Variants in HUWE1 observed in about 807,000 individuals in gnomAD.
The protein encoded by HUWE1 is HECT, UBA and WWE domain containing E3 ubiquitin protein ligase 1.
A neutral mutation model predicts 299.4 loss-of-function variants in HUWE1; 18 were observed. The ratio of observed to expected loss-of-function variants is 0.06; its 90% CI spans 0.04 to 0.09. The LOEUF (loss-of-function observed/expected upper bound fraction) is 0.09. HUWE1 is among the 10% of genes least tolerant of loss of function. HUWE1 has a pLI of 1.00. For missense variants in HUWE1, 1,832 were observed against 3,462.3 expected (o/e 0.53, Z 11.82); for synonymous variants, 1,317 against 1,286.1 (o/e 1.02, Z -0.51).
Position 53,534,711 on chromosome X carries a change from C to G in HUWE1, c.12650-14G>C, listed in dbSNP as rs2060923280. ...TGCGGATGGCTCCTGGTGAGATAAC[C>G]AAAAAGCCAAATGACTTCTAAACTC... is the stretch of plus-strand genomic sequence containing the variant. On this transcript the variant is annotated splice_polypyrimidine_tract_variant and intron_variant, in intron 81 of 83. Transcript: ENST00000262854. The G allele has an allele frequency of 2.5e-6, 3 of 1,203,513 alleles. No individual in the cohort carries two copies. The highest frequency in any genetic ancestry group is 1.8e-5 in the South Asian group (1 of 56,332).
intron 43 of HUWE1, among the ~76,000 whole-genome samples, chrX:53,579,314 G>A (rs1183409597): frequency 1.0e-5 from 1 of 97,325 alleles, no homozygotes; most frequent in African/African-American, 3.8e-5. Context: ...GCCCCGTCCG[G>A]GAGGGTGGTG....
intron 46 of HUWE1, 47 bp downstream of exon 46, chrX:53,575,108 T>C (rs782644019): frequency 2.0e-6 from 2 of 1,022,157 alleles, no homozygotes; most frequent in Non-Finnish European, 2.7e-6. Flanking sequence ...TTTCAAGTTG[T>C]TTTCCTAAGG....
intron 29 of HUWE1, among the ~76,000 whole-genome samples, chrX:53,598,627 A>C (rs1556987161): frequency 8.9e-6 from 1 of 112,112 alleles, no homozygotes; most frequent in Admixed American, 9.5e-5. Context: ...GATATAATAC[A>C]TATACAAAAC....
At chrX:53,565,455 T>C (rs2062480615) in intron 49 of HUWE1, among the ~76,000 whole-genome samples, 1 of 111,565 alleles carries the variant, frequency 9.0e-6, no homozygotes, top group Non-Finnish European at 1.9e-5. Flanking sequence ...AATGCCATAT[T>C]TCATGGGGCC....
chrX:53,640,390 C>T (rs1434675564), intron 7 of HUWE1, among the ~76,000 whole-genome samples: 1 of 111,182 alleles, frequency 9.0e-6, no homozygotes, highest in African/African-American at 3.3e-5. Context: ...TAAAAGAAGC[C>T]CACATGAACA....
At chrX:53,579,428 C>A (rs1286052001) in intron 43 of HUWE1, among the ~76,000 whole-genome samples, 4 of 111,935 alleles carry the variant, frequency 3.6e-5, no homozygotes, top group Non-Finnish European at 7.6e-5. Flanking sequence ...TGCCCGGCCA[C>A]GACCCCGTCT....
At chrX:53,667,654 G>T (rs2069313686) in intron 3 of HUWE1, among the ~76,000 whole-genome samples, 2 of 112,073 alleles carry the variant, frequency 1.8e-5, no homozygotes, top group East Asian at 5.6e-4. Context: ...CCATCATTAA[G>T]TCGGGGACGC....
chrX:53,659,415 A>G (rs782330205), intron 3 of HUWE1, among the ~76,000 whole-genome samples: 2 of 111,875 alleles, frequency 1.8e-5, no homozygotes, highest in Middle Eastern at 4.6e-3. Context: ...ACCTAAATGC[A>G]TATTAGTAAG....
intron 17 of HUWE1, among the ~76,000 whole-genome samples, chrX:53,626,730 A>C (rs1323774549): frequency 8.9e-6 from 1 of 111,889 alleles, no homozygotes; most frequent in Non-Finnish European, 1.9e-5. Context: ...TACTATTTAC[A>C]TTTTGAAATC....
At position 53,590,507 on chromosome X, in the gene HUWE1, G is replaced by A. The variant is rs2064097546; in HGVS notation, c.4096-8C>T. The A allele has an allele frequency of 2.6e-6, 3 of 1,156,375 alleles. No individual in the cohort carries two copies. Among genetic ancestry groups the A allele is most frequent in the Non-Finnish European group, 1.2e-6 (1 of 845,274 alleles). On this transcript the variant is annotated splice_polypyrimidine_tract_variant and splice_region_variant and intron_variant, in intron 34 of 83. Transcript: ENST00000262854. ...TTCAGACATGCTGAGATCCTAGAGT[G>A]TTAAGAGAATATCCAGTAAGGATAC...
intron 61 of HUWE1, among the ~76,000 whole-genome samples, chrX:53,554,079 T>G (rs781966405): frequency 3.4e-4 from 38 of 111,551 alleles, no homozygotes; most frequent in African/African-American, 1.2e-3. Context: ...CTTGCCATCC[T>G]GGGAACTGTG....
chrX:53,532,887 A>G lies in HUWE1; in HGVS notation c.*422T>C, dbSNP rs1183043736. 9.0e-6 allele frequency: 1 copy of G among 110,876 alleles called. No individual in the cohort carries two copies. Among genetic ancestry groups the G allele is most frequent in the African/African-American group, 3.3e-5 (1 of 30,359 alleles). The allele number at this position is 110,876 out of a possible 1,213,427, so 9.1% of individuals were successfully genotyped here. A position where few individuals can be genotyped will look rare whatever the true frequency, so the allele number is the denominator to read the frequency against. ...TAGCTGTGCACATCAACACATTCCA[A>G]GCACAAATTAAGAAATGCAAACAGA... On this transcript the variant is annotated 3_prime_UTR_variant, in exon 84 of 84. Coordinates refer to ENST00000262854, the MANE Select transcript of HUWE1 (RefSeq NM_031407.7).
At chrX:53,637,093 C>T (rs2149134565) in intron 7 of HUWE1, among the ~76,000 whole-genome samples, 1 of 112,114 alleles carries the variant, frequency 8.9e-6, no homozygotes, top group African/African-American at 3.2e-5. Flanking sequence ...GTAGAATCTA[C>T]CTTAATTGCC....
chrX:53,555,534 C>G (rs2061963941), intron 60 of HUWE1, among the ~76,000 whole-genome samples: 1 of 111,154 alleles, frequency 9.0e-6, no homozygotes, highest in Non-Finnish European at 1.9e-5. Flanking sequence ...GCCATGTTGC[C>G]CAGGCTGGTC....
intron 25 of HUWE1, among the ~76,000 whole-genome samples, chrX:53,606,022 T>G (rs191170093): frequency 1.8e-5 from 2 of 111,830 alleles, no homozygotes; most frequent in Admixed American, 1.9e-4. Context: ...GTGGGAAAGC[T>G]GCAAAACATC....
In HUWE1 at chrX:53,539,827, G is replaced by C. The variant is rs1384891484; in HGVS notation, c.11477-15C>G. On this transcript the variant is annotated splice_polypyrimidine_tract_variant and intron_variant, in intron 74 of 83. Transcript: ENST00000262854. Reference sequence around the variant, plus strand: ...TCCATCGGAGGCTGGAGGGCACACAGAAGAGAGTCAGAAAGTCTTCAAAAT... The same window carrying C: ...TCCATCGGAGGCTGGAGGGCACACACAAGAGAGTCAGAAAGTCTTCAAAAT... 2 of 1,200,609 alleles carry C rather than the reference G, an allele frequency of 1.7e-6. No individual in the cohort carries two copies. The highest frequency in any genetic ancestry group is 3.5e-5 in the African/African-American group (2 of 57,629).
chrX:53,547,588 G>A, intron 68 of HUWE1, 85 bp downstream of exon 68: 16 of 1,165,890 alleles, frequency 1.4e-5, no homozygotes, highest in Non-Finnish European at 1.8e-5. Flanking sequence ...TGCTATCACT[G>A]AGGGAGAACT....
chrX:53,627,025 A>G (rs1380495194), intron 17 of HUWE1, among the ~76,000 whole-genome samples: 9 of 111,335 alleles, frequency 8.1e-5, no homozygotes, highest in Non-Finnish European at 1.5e-4. Context: ...TCTACCAAGC[A>G]TATTTCTAAC....
chrX:53,535,605 G>T, intron 80 of HUWE1, 104 bp from the exon 81 acceptor site: 1 of 567,019 alleles, frequency 1.8e-6, no homozygotes, highest in Non-Finnish European at 3.1e-6. Context: ...TAGGCAGAGA[G>T]ATGAGGCAAG....
Sources: allele counts gnomAD v4.1 joint callset (sites outside exome capture counted in the v4.1 genomes callset), GRCh38; gene constraint gnomAD v4.1.1; transcripts MANE v1.5; gene names NCBI Gene and HGNC (gene_info 2026-07-23, HGNC 2026-07-21).